MEOX1: variants seen among roughly 807,000 people sequenced by gnomAD.
MEOX1 encodes mesenchyme homeobox 1.
A neutral mutation model predicts 23.2 loss-of-function variants in MEOX1; 17 were observed. The observed-to-expected ratio is 0.73, with a 90% CI of 0.50 to 1.10. The LOEUF is 1.10. Ranked by LOEUF, MEOX1 falls within the 50% of genes least tolerant of loss-of-function variation. The probability of loss-of-function intolerance (pLI) is 0.00; values close to 1 mark genes in which losing one functional copy is unlikely to be tolerated. For missense variants in MEOX1, 333 were observed against 332.2 expected, an observed-to-expected ratio of 1.00 and a Z score of -0.02; for synonymous variants, 134 against 135.1, an observed-to-expected ratio of 0.99 and a Z score of 0.06.
At position 43,640,723 on chromosome 17, in the gene MEOX1, AAATGTCATCTCCAGAAGACC is replaced by A. The variant is rs1318851186; in HGVS notation, c.*1167_*1186del. The A allele has an allele frequency of 6.6e-6, 1 of 152,230 alleles. No individual in the cohort carries two copies. The highest frequency in any genetic ancestry group is 2.1e-4 in the South Asian group (1 of 4,836). The allele number at this position is 152,230 out of a possible 1,614,324, so 9.4% of individuals were successfully genotyped here. A position where few individuals can be genotyped will look rare whatever the true frequency, so the allele number is the denominator to read the frequency against. ...CCATGCTCTTTGGCCATCAGTCCTC[AAATGTCATCTCCAGAAGACC>A]TGGCTGAGGTCTGGGCAGTCCACAC... On this transcript the variant is annotated 3_prime_UTR_variant, in exon 3 of 3. Coordinates refer to ENST00000318579, the MANE Select transcript of MEOX1 (RefSeq NM_004527.4).
At position 43,661,053 on chromosome 17, in the gene MEOX1, C is replaced by T; in HGVS notation, c.469+13G>A. On this transcript the variant is annotated intron_variant, in intron 1 of 2. Transcript: ENST00000318579. ...ACAGTAAAGGAATGATCAGCTGCTC[C>T]TGAGCCACCTACCTGAACTCTCCTT... is the stretch of plus-strand genomic sequence containing the variant. 1 of 1,476,288 alleles carries T rather than the reference C, an allele frequency of 6.8e-7. No individual in the cohort carries two copies. The highest frequency in any genetic ancestry group is 9.0e-7 in the Non-Finnish European group (1 of 1,107,164). The allele number at this position is 1,476,288 out of a possible 1,614,324, so 91.4% of individuals were successfully genotyped here.
intron 1 of MEOX1, among the ~76,000 whole-genome samples, chr17:43,652,768 G>A (rs943113752): frequency 3.3e-5 from 5 of 151,248 alleles, no homozygotes; most frequent in African/African-American, 1.2e-4. Flanking sequence ...TCACTCTGGC[G>A]ACCCAGGTGA....
intron 1 of MEOX1, among the ~76,000 whole-genome samples, chr17:43,653,809 A>G (rs1972963968): frequency 6.6e-6 from 1 of 151,946 alleles, no homozygotes; most frequent in South Asian, 2.1e-4. Flanking sequence ...CACCCGGCCA[A>G]CTGCCTCCAC....
intron 1 of MEOX1, among the ~76,000 whole-genome samples, chr17:43,648,192 G>A (rs1972845767): frequency 1.3e-5 from 2 of 152,212 alleles, no homozygotes; most frequent in Non-Finnish European, 2.9e-5. Context: ...TGCTGGGTGG[G>A]GCGCAGGTGG....
chr17:43,646,165 C>G (rs1365363205), intron 1 of MEOX1, among the ~76,000 whole-genome samples: 4 of 152,126 alleles, frequency 2.6e-5, no homozygotes, highest in Admixed American at 6.5e-5. Context: ...GCTGCCTGCC[C>G]GGCGGCCTCT....
At chr17:43,647,482 A>C (rs1233757319) in intron 1 of MEOX1, among the ~76,000 whole-genome samples, 3 of 152,192 alleles carry the variant, frequency 2.0e-5, no homozygotes, top group African/African-American at 7.2e-5. Context: ...CCATCTGATT[A>C]GAGCCAAGGC....
Position 43,641,688 on chromosome 17 carries a change from T to G in MEOX1, c.*222A>C. On this transcript the variant is annotated 3_prime_UTR_variant, in exon 3 of 3. Transcript: ENST00000318579. ...ATCTCTGTCTGATTCCATGAGAGTG[T>G]GGGAGCAAAGGCCCTAGGGAAGAGG... is the stretch of plus-strand genomic sequence containing the variant. 2.0e-6 allele frequency: 1 copy of G among 493,186 alleles called. No homozygotes were observed. Among genetic ancestry groups the G allele is most frequent in the South Asian group, 3.0e-5 (1 of 33,096 alleles). 30.6% of individuals were successfully genotyped at this position (493,186 alleles called of 1,614,324 possible). A position where few individuals can be genotyped will look rare whatever the true frequency, so the allele number is the denominator to read the frequency against.
In MEOX1 at chr17:43,640,942, A is replaced by T. The variant is rs1972681646; in HGVS notation, c.*968T>A. On this transcript the variant is annotated 3_prime_UTR_variant, in exon 3 of 3. Coordinates refer to ENST00000318579, the MANE Select transcript of MEOX1 (RefSeq NM_004527.4). ...CCACATCTCCAGGCCCTCACCCAGC[A>T]GCCCTCCTTATTATCTCCCCTCCCC... 1 of 152,174 alleles carries T rather than the reference A, an allele frequency of 6.6e-6. No homozygotes were observed. Among genetic ancestry groups the T allele is most frequent in the Non-Finnish European group, 1.5e-5 (1 of 68,018 alleles). 9.4% of individuals were successfully genotyped at this position (152,174 alleles called of 1,614,324 possible).
intron 1 of MEOX1, among the ~76,000 whole-genome samples, chr17:43,645,211 C>T (rs1349761060): frequency 7.7e-6 from 1 of 129,882 alleles, no homozygotes; most frequent in South Asian, 2.5e-4. Flanking sequence ...GAGTCTCGCT[C>T]TGTCGCCAAG....
intron 2 of MEOX1, among the ~76,000 whole-genome samples, chr17:43,642,990 G>A (rs1972724927): frequency 6.6e-6 from 1 of 152,188 alleles, no homozygotes; most frequent in South Asian, 2.1e-4. Context: ...CCCTAGGGGT[G>A]GAGCCCAGAC....
chr17:43,656,452 G>A (rs927778643), intron 1 of MEOX1, among the ~76,000 whole-genome samples: 3 of 152,048 alleles, frequency 2.0e-5, no homozygotes, highest in Admixed American at 2.0e-4. Flanking sequence ...AGGGAAAAGA[G>A]GAGAGAGGCC....
At chr17:43,650,497 C>A (rs1295170134) in intron 1 of MEOX1, among the ~76,000 whole-genome samples, 1 of 152,150 alleles carries the variant, frequency 6.6e-6, no homozygotes, top group Non-Finnish European at 1.5e-5. Context: ...CCCCTGGGAC[C>A]AGTCTAGGGC....
chr17:43,645,215 C>T (rs1175341900), intron 1 of MEOX1, among the ~76,000 whole-genome samples: 15 of 134,554 alleles, frequency 1.1e-4, no homozygotes, highest in African/African-American at 4.2e-4. Context: ...CTCGCTCTGT[C>T]GCCAAGGCTA....
rs542021917 is a variant in MEOX1 at position 43,640,850 on chromosome 17, A to G, written c.*1060T>C. ...GCTTAAATCCATCCCATGGAGGAAGAGGGATTTTCTTGTCCCCTTTTGCAG... is the reference window on the plus strand; with the variant it reads ...GCTTAAATCCATCCCATGGAGGAAGGGGGATTTTCTTGTCCCCTTTTGCAG... On this transcript the variant is annotated 3_prime_UTR_variant, in exon 3 of 3. Transcript: ENST00000318579. 329 of 152,332 alleles carry G rather than the reference A, an allele frequency of 2.2e-3. 3 individuals carry two copies. The highest frequency in any genetic ancestry group is 7.2e-3 in the African/African-American group (301 of 41,552). 9.4% of individuals were successfully genotyped at this position (152,332 alleles called of 1,614,324 possible).
At chr17:43,658,939 C>T in intron 1 of MEOX1, among the ~76,000 whole-genome samples, 1 of 152,182 alleles carries the variant, frequency 6.6e-6, no homozygotes, top group East Asian at 1.9e-4. Flanking sequence ...GCCCAGGGCC[C>T]CTGCGGATGG....
At chr17:43,645,873 A>T (rs1840393430) in intron 1 of MEOX1, among the ~76,000 whole-genome samples, 1 of 152,008 alleles carries the variant, frequency 6.6e-6, no homozygotes, top group African/African-American at 2.4e-5. Context: ...TCCGCGCCCC[A>T]CTGCCTTGGG....
In MEOX1 at chr17:43,643,509, G is replaced by T; in HGVS notation, c.621C>A (p.Asn207Lys). 2 of 1,600,046 alleles carry T rather than the reference G, an allele frequency of 1.2e-6. No homozygotes were observed. The highest frequency in any genetic ancestry group is 1.7e-6 in the Non-Finnish European group (2 of 1,173,532). ...TRLRRYEIAV[N>K]LDLSERQVKV... ...GCACCTGGCGCTCAGAGAGGTCCAG[G>T]TTTACCGCAATCTCATATCTGCGGA... Residue 207 changes from asparagine to lysine, a missense_variant, in exon 2 of 3, where the codon AAC becomes AAA. Asn to Lys is a moderately conservative substitution (Grantham distance 94). Transcript: ENST00000318579.
At chr17:43,652,417 A>C (rs1332176807) in intron 1 of MEOX1, among the ~76,000 whole-genome samples, 3 of 152,126 alleles carry the variant, frequency 2.0e-5, no homozygotes, top group Non-Finnish European at 4.4e-5. Flanking sequence ...TCAGGGGAGG[A>C]CTTTAAAGAG....
At chr17:43,648,594 A>G (rs1972854627) in intron 1 of MEOX1, among the ~76,000 whole-genome samples, 1 of 152,062 alleles carries the variant, frequency 6.6e-6, no homozygotes, top group Admixed American at 6.5e-5. Flanking sequence ...CCCCATGTGT[A>G]GAAGTATGGG....
Sources: allele counts gnomAD v4.1 joint callset (sites outside exome capture counted in the v4.1 genomes callset), GRCh38; gene constraint gnomAD v4.1.1; transcripts MANE v1.5; gene names NCBI Gene and HGNC (gene_info 2026-07-23, HGNC 2026-07-21).